Variants in PCDHGB1 observed in about 807,000 individuals in gnomAD.
PCDHGB1 encodes the protein protocadherin gamma subfamily B, 1.
A neutral mutation model predicts 56.6 loss-of-function variants in PCDHGB1; 34 were observed. The observed-to-expected ratio is 0.60, with a 90% confidence interval of 0.46 to 0.80. The LOEUF (loss-of-function observed/expected upper bound fraction) is 0.80, where lower values mean the gene tolerates loss of function less well. PCDHGB1 is among the 30% of genes least tolerant of loss of function. The pLI is 0.00. For synonymous variants in PCDHGB1, 561 were observed against 505.9 expected, an observed-to-expected ratio of 1.11 and a Z score of -1.46; for missense variants, 1,278 against 1,204.6, an observed-to-expected ratio of 1.06 and a Z score of -0.90.
At chr5:141,457,500 A>G (rs1483244745) in intron 1 of PCDHGB1, among the ~76,000 whole-genome samples, 1 of 152,244 alleles carries the variant, frequency 6.6e-6, no homozygotes, top group African/African-American at 2.4e-5. Context: ...AAATGTAGGC[A>G]AAAAGCTTAA....
intron 1 of PCDHGB1, chr5:141,389,298 G>C (rs1440320819): frequency 6.2e-7 from 1 of 1,614,030 alleles, no homozygotes; most frequent in Non-Finnish European, 8.5e-7. Context: ...TATTTCACAA[G>C]TCAGGGCTTC....
rs1758567733 is a variant in PCDHGB1 at position 141,350,814 on chromosome 5, G to A, written c.554G>A (p.Gly185Glu). The change falls in exon 1 of 4, where the codon GGA becomes GAA. Residue 185 changes from glycine (G) to glutamate (E), a missense_variant. Gly to Glu is a moderately conservative substitution (Grantham distance 98). Coordinates refer to ENST00000523390, the MANE Select transcript of PCDHGB1 (RefSeq NM_018922.3). ...CTGTCAACGAAGGAAAGTCCTGATGGAAGTAAATATCCGGTATTACTGCTG... is the reference window on the plus strand; with the variant it reads ...CTGTCAACGAAGGAAAGTCCTGATGAAAGTAAATATCCGGTATTACTGCTG... ...FSLSTKESPD[G>E]SKYPVLLLEK... is the part of the protein sequence containing the mutation. 1.2e-6 allele frequency: 2 copies of A among 1,614,022 alleles called. No homozygotes were observed. The highest frequency in any genetic ancestry group is 1.7e-6 in the Non-Finnish European group (2 of 1,179,894).
chr5:141,370,932 T>A, intron 1 of PCDHGB1: 1 of 1,613,926 alleles, frequency 6.2e-7, no homozygotes, highest in Admixed American at 1.7e-5. Flanking sequence ...GCACTTCTCT[T>A]TGATTCAGAA....
At chr5:141,408,524 G>A (rs1589673864) in intron 1 of PCDHGB1, 3 of 1,614,080 alleles carry the variant, frequency 1.9e-6, no homozygotes, top group Non-Finnish European at 1.7e-6. Context: ...GCAATTGGAA[G>A]CTGTGGTGGA....
chr5:141,400,020 G>A (rs1589396224), intron 1 of PCDHGB1: 1 of 1,612,942 alleles, frequency 6.2e-7, no homozygotes, highest in South Asian at 1.1e-5. Context: ...TGGGCGACAG[G>A]GACGCGGCCC....
chr5:141,423,156 C>G, intron 1 of PCDHGB1: 1 of 1,613,388 alleles, frequency 6.2e-7, no homozygotes, highest in Non-Finnish European at 8.5e-7. Flanking sequence ...AGCAGAGCCT[C>G]GTGGTGGCCG....
In PCDHGB1 at chr5:141,415,732, T is replaced by C. The variant is rs1159160519; in HGVS notation, c.2409+63063T>C. 4 of 1,411,138 alleles carry C rather than the reference T, an allele frequency of 2.8e-6. No individual in the cohort carries two copies. In the South Asian group the frequency reaches 5.0e-5, roughly 18 times the overall value. The allele number at this position is 1,411,138 out of a possible 1,614,324, so 87.4% of individuals were successfully genotyped here. ...AACACTGATGAGTAGAATTTGATGT[T>C]TATTAAGGTTTTTTTTTTTTTTTTT... On this transcript the variant is annotated intron_variant, in intron 1 of 3. Coordinates refer to ENST00000523390, the MANE Select transcript of PCDHGB1 (RefSeq NM_018922.3).
chr5:141,365,327 G>C lies in PCDHGB1; in HGVS notation c.2409+12658G>C, dbSNP rs747026177. The C allele has an allele frequency of 1.1e-5, 17 of 1,613,880 alleles. No individual in the cohort carries two copies. The Admixed American group carries it at 2.8e-4, about 27-fold the overall frequency. On this transcript the variant is annotated intron_variant, in intron 1 of 3. Transcript: ENST00000523390. ...AGGCGCTCTTGTTGCCAGCGCTAAG[G>C]TGGTGGTCACAGTACAGGACGTGAA... is the stretch of plus-strand genomic sequence containing the variant.
intron 3 of PCDHGB1, among the ~76,000 whole-genome samples, chr5:141,507,861 C>T (rs538942097): frequency 7.0e-4 from 106 of 152,306 alleles, no homozygotes; most frequent in African/African-American, 2.5e-3. Flanking sequence ...CTTTCACACC[C>T]GCTTCCTAGC....
chr5:141,357,336 A>G, intron 1 of PCDHGB1: 2 of 1,614,110 alleles, frequency 1.2e-6, no homozygotes, highest in Non-Finnish European at 8.5e-7. Context: ...CGGTGCTGCT[A>G]GCACTCAAGC....
rs752402965 is a variant in PCDHGB1, at chr5:141,491,400, C to G, written c.2410-3407C>G. The G allele has an allele frequency of 2.7e-5, 44 of 1,613,990 alleles. No individual in the cohort carries two copies. The highest frequency in any genetic ancestry group is 3.5e-5 in the Non-Finnish European group (41 of 1,179,996). On this transcript the variant is annotated intron_variant, in intron 1 of 3. Coordinates refer to ENST00000523390, the MANE Select transcript of PCDHGB1 (RefSeq NM_018922.3). The surrounding 1 kb of genome is among the most constrained non-coding windows in gnomAD (Gnocchi z 6.9). ...TGTCAGCGAAGTGCCTTCAGGGAAA[C>G]GCAGACGGGGACGGGGGTGGAGGGC... is the stretch of plus-strand genomic sequence containing the variant.
intron 1 of PCDHGB1, among the ~76,000 whole-genome samples, chr5:141,494,341 G>C (rs565090556): frequency 9.2e-5 from 14 of 152,352 alleles, no homozygotes; most frequent in Admixed American, 9.1e-4. Context: ...ACCAAGAACA[G>C]CAGCCATCTT....
At chr5:141,418,621 C>G (rs765634746) in intron 1 of PCDHGB1, 2 of 1,613,916 alleles carry the variant, frequency 1.2e-6, no homozygotes, top group Non-Finnish European at 1.7e-6. Flanking sequence ...TTCGGGAAGA[C>G]GTGCCTCCAG....
chr5:141,390,965 A>G (rs2092279401), intron 1 of PCDHGB1: 1 of 152,252 alleles, frequency 6.6e-6, no homozygotes, highest in Admixed American at 6.5e-5. Context: ...TACTTGTAAC[A>G]TAGGAGTTTC....
At position 141,476,638 on chromosome 5, in the gene PCDHGB1, G is replaced by A. The variant is rs997136356; in HGVS notation, c.2410-18169G>A. On this transcript the variant is annotated intron_variant, in intron 1 of 3. Transcript: ENST00000523390. This position sits in a 1 kb window ranked among gnomAD's most constrained non-coding sequence, Gnocchi z 7.6. ...GCAACTCTTTACAAACCTATGAGCT[G>A]AGCCGAAATGAATACTTTGCGCTTC... 1.9e-6 allele frequency: 3 copies of A among 1,614,268 alleles called. No homozygotes were observed. Among genetic ancestry groups the A allele is most frequent in the Middle Eastern group, 1.6e-4 (1 of 6,062 alleles).
chr5:141,441,852 G>T (rs1169073404), intron 1 of PCDHGB1: 2 of 352,708 alleles, frequency 5.7e-6, no homozygotes, highest in African/African-American at 2.2e-5. Flanking sequence ...TGGATATGGT[G>T]CTGCACGCCG....
intron 1 of PCDHGB1, chr5:141,394,283 T>A: frequency 6.2e-7 from 1 of 1,613,956 alleles, no homozygotes; most frequent in Non-Finnish European, 8.5e-7. Flanking sequence ...TCACTTACTC[T>A]GTGACCGAGG....
Position 141,365,799 on chromosome 5 carries a change from C to T in PCDHGB1, c.2409+13130C>T, listed in dbSNP as rs755374983. 8 of 1,613,942 alleles carry T rather than the reference C, an allele frequency of 5.0e-6. No individual in the cohort carries two copies. The Admixed American group carries it at 6.7e-5, about 13-fold the overall frequency. ...GGCGACAACGCTCGAGTCACCTACT[C>T]CCTGGCTGAAGACACATTTCAGGGG... On this transcript the variant is annotated intron_variant, in intron 1 of 3. Transcript: ENST00000523390.
intron 1 of PCDHGB1, among the ~76,000 whole-genome samples, chr5:141,483,310 A>G (rs2099579870): frequency 6.6e-6 from 1 of 152,156 alleles, no homozygotes; most frequent in African/African-American, 2.4e-5. Context: ...GACTGGGGAC[A>G]TTGGGACTGG....
Sources: allele counts gnomAD v4.1 joint callset (sites outside exome capture counted in the v4.1 genomes callset), GRCh38; gene constraint gnomAD v4.1.1; non-coding constraint Gnocchi (gnomAD v3.1); transcripts MANE v1.5; gene names NCBI Gene and HGNC (gene_info 2026-07-23, HGNC 2026-07-21).